The following TLL1 variants were observed in gnomAD, a reference collection of about 807,000 sequenced individuals.
The protein encoded by TLL1 is tolloid like 1, also known as tolloid-like protein 1.
In TLL1, 49 loss-of-function variants were observed where a neutral mutation model predicts 128.2. The ratio of observed to expected loss-of-function variants is 0.38; its 90% CI spans 0.30 to 0.48. The LOEUF is 0.48. TLL1 is among the 20% of genes least tolerant of loss of function. The probability of loss-of-function intolerance (pLI) is 0.96; values close to 1 mark genes in which losing one functional copy is unlikely to be tolerated. For missense variants in TLL1, 1,123 were observed against 1,242.0 expected (o/e 0.90, Z 1.44); for synonymous variants, 454 against 418.8 (o/e 1.08, Z -1.03).
intron 1 of TLL1, among the ~76,000 whole-genome samples, chr4:165,903,466 G>T (rs1240800406): frequency 7.1e-6 from 1 of 141,690 alleles, no homozygotes; most frequent in East Asian, 2.2e-4. Context: ...AGGCTGGGGT[G>T]CAGTGGCACA....
At chr4:165,964,457 T>A (rs1735271024) in intron 1 of TLL1, among the ~76,000 whole-genome samples, 1 of 152,226 alleles carries the variant, frequency 6.6e-6, no homozygotes, top group Admixed American at 6.5e-5. Flanking sequence ...TGTTTGGGCA[T>A]GATGGACCTA....
rs1473266856 is a variant in TLL1 at position 166,102,902 on chromosome 4, C to T, written c.*2026C>T. On this transcript the variant is annotated 3_prime_UTR_variant, in exon 21 of 21. Transcript: ENST00000061240. ...CTTCCATATTTTCTCACTAATCTCC[C>T]GTTAGCCAAAATATGCCAGAAATGG... The T allele has an allele frequency of 6.6e-6, 1 of 151,802 alleles. No homozygotes were observed. The highest frequency in any genetic ancestry group is 2.4e-5 in the African/African-American group (1 of 41,380). 9.4% of individuals were successfully genotyped at this position (151,802 alleles called of 1,614,324 possible). A position where few individuals can be genotyped will look rare whatever the true frequency, so the allele number is the denominator to read the frequency against.
intron 1 of TLL1, among the ~76,000 whole-genome samples, chr4:165,947,054 T>A (rs1170809115): frequency 6.6e-6 from 1 of 152,130 alleles, no homozygotes; most frequent in Non-Finnish European, 1.5e-5. Context: ...TGTCACAGAC[T>A]GGGTGGAATA....
chr4:166,032,115 T>C (rs1452835564), intron 9 of TLL1, among the ~76,000 whole-genome samples: 2 of 151,936 alleles, frequency 1.3e-5, no homozygotes, highest in East Asian at 3.8e-4. Context: ...ATCAAAATAA[T>C]CAACCAAAAT....
intron 1 of TLL1, among the ~76,000 whole-genome samples, chr4:165,910,393 A>T (rs1732474090): frequency 6.6e-6 from 1 of 152,216 alleles, no homozygotes; most frequent in Non-Finnish European, 1.5e-5. Flanking sequence ...AAAAATTGAA[A>T]ATGGGAAAAA....
At chr4:166,079,607 T>TTG (rs1207109429) in intron 18 of TLL1, among the ~76,000 whole-genome samples, 1 of 151,966 alleles carries the variant, frequency 6.6e-6, no homozygotes, top group Non-Finnish European at 1.5e-5. Context: ...GTGTATGTGT[T>TTG]TGTGTGTGTG....
At chr4:165,878,920 CTTTTTTT>C (rs140447889) in intron 1 of TLL1, among the ~76,000 whole-genome samples, 21 of 60,512 alleles carry the variant, frequency 3.5e-4, no homozygotes, top group African/African-American at 1.2e-3. Flanking sequence ...TGATGGCTTC[CTTTTTTT>C]TTTTTTTTTT....
intron 1 of TLL1, among the ~76,000 whole-genome samples, chr4:165,973,822 T>C (rs10029752): frequency 0.081 from 12,315 of 151,866 alleles, 1,667 homozygotes; most frequent in African/African-American, 0.28. Flanking sequence ...TGAGCCACCA[T>C]GCCCAGCTAA....
At chr4:165,956,032 G>T (rs1847274) in intron 1 of TLL1, among the ~76,000 whole-genome samples, 3 of 152,062 alleles carry the variant, frequency 2.0e-5, no homozygotes, top group African/African-American at 7.2e-5. Context: ...AGGGGAGGGG[G>T]TGTAAAACAG....
At chr4:165,981,233 C>A (rs1158816245) in intron 1 of TLL1, among the ~76,000 whole-genome samples, 2 of 151,988 alleles carry the variant, frequency 1.3e-5, no homozygotes, top group Non-Finnish European at 2.9e-5. Flanking sequence ...GATTTTGACA[C>A]TCACTCCCCA....
At chr4:165,949,725 C>G (rs1734420918) in intron 1 of TLL1, among the ~76,000 whole-genome samples, 2 of 152,020 alleles carry the variant, frequency 1.3e-5, no homozygotes, top group African/African-American at 4.8e-5. Context: ...GGTACTTATT[C>G]ACTACCACAA....
At chr4:165,879,873 T>C (rs1730901918) in intron 1 of TLL1, among the ~76,000 whole-genome samples, 1 of 151,972 alleles carries the variant, frequency 6.6e-6, no homozygotes, top group Non-Finnish European at 1.5e-5. Flanking sequence ...ATCCTCAGGA[T>C]GAGGGGAGTT....
intron 13 of TLL1, among the ~76,000 whole-genome samples, chr4:166,055,943 T>G (rs1739983980): frequency 6.6e-6 from 1 of 152,100 alleles, no homozygotes; most frequent in South Asian, 2.1e-4. Flanking sequence ...AAAACAAAAT[T>G]TTCCTCCATA....
intron 1 of TLL1, among the ~76,000 whole-genome samples, chr4:165,889,707 G>A (rs1040906570): frequency 6.6e-6 from 1 of 152,146 alleles, no homozygotes; most frequent in East Asian, 1.9e-4. Context: ...TGATGCTTAG[G>A]TGATACTTAT....
At chr4:166,097,104 C>G (rs1014161432) in intron 19 of TLL1, among the ~76,000 whole-genome samples, 2 of 151,984 alleles carry the variant, frequency 1.3e-5, no homozygotes, top group African/African-American at 4.8e-5. Flanking sequence ...GATGTGAGTA[C>G]TATGGATGAT....
intron 2 of TLL1, 87 bp downstream of exon 2, chr4:165,989,578 A>G: frequency 6.2e-6 from 6 of 960,848 alleles, no homozygotes; most frequent in Non-Finnish European, 1.0e-5. Flanking sequence ...ATCATTTTTC[A>G]TCTCCTGTTG....
intron 1 of TLL1, among the ~76,000 whole-genome samples, chr4:165,926,214 T>A (rs1475648981): frequency 6.6e-6 from 1 of 152,176 alleles, no homozygotes; most frequent in Admixed American, 6.5e-5. Context: ...GAAGTATATA[T>A]TGAAATAGAA....
Position 166,104,020 on chromosome 4 carries a change from A to G in TLL1, c.*3144A>G, listed in dbSNP as rs1191658396. 1 of 151,950 alleles carries G rather than the reference A, an allele frequency of 6.6e-6. No individual in the cohort carries two copies. Among genetic ancestry groups the G allele is most frequent in the African/African-American group, 2.4e-5 (1 of 41,420 alleles). 9.4% of individuals were successfully genotyped at this position (151,950 alleles called of 1,614,324 possible). Reference sequence around the variant, plus strand: ...CAAAACCCTCAAATATCCCATTCCTATACTGGCTGGATTTTTGCTACCTGT... The same window carrying G: ...CAAAACCCTCAAATATCCCATTCCTGTACTGGCTGGATTTTTGCTACCTGT... On this transcript the variant is annotated 3_prime_UTR_variant, in exon 21 of 21. Coordinates refer to ENST00000061240, the MANE Select transcript of TLL1 (RefSeq NM_012464.5).
intron 6 of TLL1, among the ~76,000 whole-genome samples, chr4:166,004,399 T>C (rs1737314759): frequency 6.6e-6 from 1 of 152,154 alleles, no homozygotes; most frequent in African/African-American, 2.4e-5. Context: ...CATTATATAT[T>C]TGATGCCGAT....
Sources: allele counts gnomAD v4.1 joint callset (sites outside exome capture counted in the v4.1 genomes callset), GRCh38; gene constraint gnomAD v4.1.1; transcripts MANE v1.5; gene names NCBI Gene and HGNC (gene_info 2026-07-23, HGNC 2026-07-21).